The following MMRN1 variants were observed in gnomAD, a reference collection of about 807,000 sequenced individuals.
MMRN1 encodes the protein multimerin 1, also known as multimerin-1.
MMRN1 carries 94 observed loss-of-function variants against 100.7 expected under a neutral mutation model. That is an observed-to-expected ratio of 0.93 (90% confidence interval 0.79 to 1.11). MMRN1 has a LOEUF of 1.11. MMRN1 is among the 50% of genes least tolerant of loss of function. MMRN1 has a pLI of 0.00. For synonymous variants in MMRN1, 575 were observed against 505.0 expected (o/e 1.14, Z -1.86); for missense variants, 1,606 against 1,439.1 (o/e 1.12, Z -1.88).
chr4:89,915,314 ACT>A (rs1211934416), intron 3 of MMRN1, among the ~76,000 whole-genome samples: 1 of 151,560 alleles, frequency 6.6e-6, no homozygotes, highest in Non-Finnish European at 1.5e-5. Flanking sequence ...AGTGAAGAAC[ACT>A]CTGTACCATA....
At chr4:89,889,516 G>T (rs927451238) in intron 1 of MMRN1, among the ~76,000 whole-genome samples, 1 of 151,994 alleles carries the variant, frequency 6.6e-6, no homozygotes, top group Admixed American at 6.6e-5. Flanking sequence ...AGAATTATTC[G>T]AACAAGCCAG....
chr4:89,903,993 A>G (rs902041196), intron 1 of MMRN1, among the ~76,000 whole-genome samples: 1 of 151,488 alleles, frequency 6.6e-6, no homozygotes, highest in African/African-American at 2.4e-5. Flanking sequence ...CTTGTCCAGC[A>G]GGCAGAACTT....
upstream of MMRN1, among the ~76,000 whole-genome samples, chr4:89,894,077 A>G (rs1721115937): frequency 6.6e-6 from 1 of 151,970 alleles, no homozygotes; most frequent in Non-Finnish European, 1.5e-5. Context: ...TTTTTATGTG[A>G]CTCCATTTTT....
chr4:89,897,243 T>C (rs1193694231), intron 1 of MMRN1, among the ~76,000 whole-genome samples: 1 of 151,522 alleles, frequency 6.6e-6, no homozygotes. Flanking sequence ...GGAGTCTCGC[T>C]CTCTTGCCAG....
upstream of MMRN1, chr4:89,894,669 T>C: frequency 4.3e-6 from 1 of 234,258 alleles, no homozygotes; most frequent in East Asian, 8.9e-5. Context: ...TTACTTCATA[T>C]TTTTTCATGG....
At chr4:89,943,568 A>G (rs1479839722) in intron 6 of MMRN1, among the ~76,000 whole-genome samples, 1 of 152,226 alleles carries the variant, frequency 6.6e-6, no homozygotes, top group Non-Finnish European at 1.5e-5. Flanking sequence ...TATGAGTATT[A>G]TTGGAAAGTT....
chr4:89,915,907 A>C (rs1721897180), intron 3 of MMRN1, among the ~76,000 whole-genome samples: 2 of 151,712 alleles, frequency 1.3e-5, no homozygotes, highest in Non-Finnish European at 3.0e-5. Flanking sequence ...GTATGGAACA[A>C]AGCAAAGGTC....
At chr4:89,879,754 T>C (rs1262887487) in intron 1 of MMRN1, among the ~76,000 whole-genome samples, 1 of 152,170 alleles carries the variant, frequency 6.6e-6, no homozygotes, top group African/African-American at 2.4e-5. Flanking sequence ...AAAAAAAGCA[T>C]AATTTTCCTT....
chr4:89,895,170 A>G lies in MMRN1; in HGVS notation c.199A>G (p.Thr67Ala), dbSNP rs1170126940. ...TCGGGTCATGTCGGCGGAGATAGCTACAACTCCAGAGGCAAGAACTTCTGA... is the reference window on the plus strand; with the variant it reads ...TCGGGTCATGTCGGCGGAGATAGCTGCAACTCCAGAGGCAAGAACTTCTGA... ...TTRVMSAEIATTPEARTSEDS... is the reference protein window; with the variant it reads ...TTRVMSAEIAATPEARTSEDS... The change falls in exon 1 of 8, where the codon ACA (threonine) becomes GCA (alanine). Residue 67 changes from threonine (T) to alanine (A), a missense_variant. Thr to Ala is a moderately conservative substitution (Grantham distance 58). Coordinates refer to ENST00000264790, the MANE Select transcript of MMRN1 (RefSeq NM_007351.3). 1 of 1,613,768 alleles carries G rather than the reference A, an allele frequency of 6.2e-7. No homozygotes were observed. The highest frequency in any genetic ancestry group is 8.5e-7 in the Non-Finnish European group (1 of 1,179,934).
At chr4:89,899,780 A>G (rs1560580798) in intron 1 of MMRN1, among the ~76,000 whole-genome samples, 1 of 151,962 alleles carries the variant, frequency 6.6e-6, no homozygotes, top group Non-Finnish European at 1.5e-5. Context: ...CTAATCTATC[A>G]AAAAGTCTTG....
intron 6 of MMRN1, among the ~76,000 whole-genome samples, chr4:89,938,530 T>C (rs1722727165): frequency 7.0e-6 from 1 of 142,590 alleles, no homozygotes; most frequent in African/African-American, 2.6e-5. Context: ...ATATATATGC[T>C]ATTTTCATAG....
rs749750805 is a variant in MMRN1 at position 89,936,449 on chromosome 4, T to G, written c.2769T>G (p.Thr923=). 6.2e-7 allele frequency: 1 copy of G among 1,612,306 alleles called. No individual in the cohort carries two copies. The highest frequency in any genetic ancestry group is 2.2e-5 in the East Asian group (1 of 44,788). Residue 923 remains threonine, a synonymous_variant, in exon 6 of 8, where the codon ACT becomes ACG. Coordinates refer to ENST00000264790, the MANE Select transcript of MMRN1 (RefSeq NM_007351.3). The stretch of plus-strand genomic sequence containing the variant: ...TTAACTTCTTTTCGCTTAACAAAAC[T>G]CTCCACGAAGTTTTAACAATGTGTC... The part of the protein sequence containing the change: ...LSINFFSLNK[T]LHEVLTMCHN...
chr4:89,885,581 T>C (rs1441946967), intron 1 of MMRN1, among the ~76,000 whole-genome samples: 1 of 152,138 alleles, frequency 6.6e-6, no homozygotes, highest in Non-Finnish European at 1.5e-5. Context: ...GTTTTTATTA[T>C]GAATGGAGAT....
chr4:89,921,641 TG>T (rs1273540811), intron 3 of MMRN1, among the ~76,000 whole-genome samples: 1 of 152,208 alleles, frequency 6.6e-6, no homozygotes, highest in East Asian at 1.9e-4. Flanking sequence ...AGATTGCTTT[TG>T]TCCATCAGAT....
At chr4:89,941,239 C>T (rs909899899) in intron 6 of MMRN1, among the ~76,000 whole-genome samples, 9 of 152,112 alleles carry the variant, frequency 5.9e-5, no homozygotes, top group African/African-American at 9.7e-5. Flanking sequence ...AATACGTGTA[C>T]GCATTTGGTA....
chr4:89,890,233 CTTTTTT>C (rs111715316), upstream of MMRN1, among the ~76,000 whole-genome samples: 1 of 133,196 alleles, frequency 7.5e-6, no homozygotes, highest in Non-Finnish European at 1.6e-5. Context: ...TTTTATTTTG[CTTTTTT>C]TTTTTTTTTT....
intron 1 of MMRN1, among the ~76,000 whole-genome samples, chr4:89,899,661 A>G (rs535319310): frequency 1.3e-5 from 2 of 152,052 alleles, no homozygotes; most frequent in African/African-American, 2.4e-5. Context: ...ACAATTCCCA[A>G]CCCCTGTACA....
intron 6 of MMRN1, among the ~76,000 whole-genome samples, chr4:89,943,788 G>A (rs755635444): frequency 1.2e-4 from 18 of 152,054 alleles, no homozygotes; most frequent in Admixed American, 1.0e-3. Context: ...CCAAGAGTTC[G>A]AGACCAGCCT....
At chr4:89,887,405 A>G (rs1000851443) in intron 1 of MMRN1, among the ~76,000 whole-genome samples, 1 of 152,140 alleles carries the variant, frequency 6.6e-6, no homozygotes. Context: ...ATTATACTAC[A>G]GAGCTGTAGT....
Sources: gnomAD v4.1 joint callset for allele counts (sites outside exome capture counted in the v4.1 genomes callset) on GRCh38, gnomAD v4.1.1 for gene constraint, MANE v1.5 for transcripts, NCBI Gene and HGNC (gene_info 2026-07-23, HGNC 2026-07-21) for gene names.